Variants in ANKRD44 observed in about 807,000 individuals in gnomAD.
ANKRD44 encodes serine/threonine-protein phosphatase 6 regulatory ankyrin repeat subunit B.
In ANKRD44, 35 loss-of-function variants were observed where a neutral mutation model predicts 116.0. The observed-to-expected ratio is 0.30, with a 90% confidence interval of 0.23 to 0.40. ANKRD44 has a LOEUF of 0.40. ANKRD44 is among the 10% of genes least tolerant of loss of function. The probability of loss-of-function intolerance (pLI) is 1.00; values close to 1 mark genes in which losing one functional copy is unlikely to be tolerated. For synonymous variants in ANKRD44, 435 were observed against 461.8 expected, an observed-to-expected ratio of 0.94 and a Z score of 0.74; for missense variants, 1,014 against 1,242.6, an observed-to-expected ratio of 0.82 and a Z score of 2.77.
intron 16 of ANKRD44, among the ~76,000 whole-genome samples, chr2:197,065,969 T>G (rs1458031806): frequency 1.3e-5 from 2 of 152,162 alleles, no homozygotes; most frequent in Non-Finnish European, 2.9e-5. Flanking sequence ...TACCAAAGCC[T>G]GGCAGAGACA....
At chr2:197,282,688 G>A (rs914710189) in intron 1 of ANKRD44, among the ~76,000 whole-genome samples, 1 of 152,164 alleles carries the variant, frequency 6.6e-6, no homozygotes, top group Non-Finnish European at 1.5e-5. Flanking sequence ...GCCGGGTGTG[G>A]TGGCTCACAC....
chr2:197,145,866 C>G (rs1036147834), intron 3 of ANKRD44, among the ~76,000 whole-genome samples: 1 of 152,144 alleles, frequency 6.6e-6, no homozygotes, highest in Non-Finnish European at 1.5e-5. Context: ...TACTATAGGC[C>G]TTTTGACTAG....
At chr2:197,298,793 T>C (rs1434246412) in intron 1 of ANKRD44, among the ~76,000 whole-genome samples, 1 of 152,058 alleles carries the variant, frequency 6.6e-6, no homozygotes. Context: ...GGCACGCACC[T>C]GTAGTCCCAG....
At chr2:197,036,207 A>G in intron 16 of ANKRD44, among the ~76,000 whole-genome samples, 1 of 152,170 alleles carries the variant, frequency 6.6e-6, no homozygotes. Flanking sequence ...CTCCAATTCC[A>G]TAAGCAAGGA....
chr2:197,062,625 C>G (rs1320020064), intron 16 of ANKRD44, among the ~76,000 whole-genome samples: 1 of 152,174 alleles, frequency 6.6e-6, no homozygotes, highest in Non-Finnish European at 1.5e-5. Flanking sequence ...CACCCTAATA[C>G]TGCACTTTTC....
chr2:197,211,931 C>T (rs532105417), intron 1 of ANKRD44, among the ~76,000 whole-genome samples: 2 of 152,058 alleles, frequency 1.3e-5, no homozygotes, highest in Non-Finnish European at 2.9e-5. Context: ...ACTCCAATCA[C>T]TTTGCCCTCC....
chr2:197,295,465 A>T (rs1157916702), intron 1 of ANKRD44, among the ~76,000 whole-genome samples: 13 of 152,230 alleles, frequency 8.5e-5, no homozygotes, highest in Non-Finnish European at 2.9e-5. Context: ...TGTGTTGCAA[A>T]GTATTATCCT....
At chr2:197,257,451 G>C (rs16863694) in intron 1 of ANKRD44, among the ~76,000 whole-genome samples, 15,511 of 150,880 alleles carry the variant, frequency 0.1, 859 homozygotes, top group Middle Eastern at 0.13. Flanking sequence ...AAAACTTCGG[G>C]GAAAAAAACA....
At chr2:197,268,469 A>G (rs1006228474) in intron 1 of ANKRD44, among the ~76,000 whole-genome samples, 1 of 152,214 alleles carries the variant, frequency 6.6e-6, no homozygotes, top group African/African-American at 2.4e-5. Flanking sequence ...CATTCTTCAC[A>G]TTCGTTATCT....
At chr2:197,181,228 A>T (rs6736733) in intron 2 of ANKRD44, among the ~76,000 whole-genome samples, 84,467 of 152,074 alleles carry the variant, frequency 0.56, 27,897 homozygotes, top group East Asian at 0.88. Flanking sequence ...TACAAAAAAA[A>T]TTTTTTATAA....
exon 22 of ANKRD44, chr2:196,967,317 C>T (rs538324318): frequency 1.3e-4 from 49 of 381,164 alleles, no homozygotes; most frequent in Admixed American, 9.8e-4. Flanking sequence ...CTTCCCCAAC[C>T]GCAGCTCCTG....
intron 1 of ANKRD44, among the ~76,000 whole-genome samples, chr2:197,206,335 G>A (rs2081204816): frequency 6.6e-6 from 1 of 152,220 alleles, no homozygotes. Context: ...CTGCCGTGAA[G>A]TTCACACTGT....
Position 197,303,354 on chromosome 2 carries a change from G to A in ANKRD44, c.27+7224C>T, listed in dbSNP as rs116867539. ...CCATTTTGACAGACAAAGAAACGAAGGCCAGGACTTACCCCAAACCATACA... is the reference window on the plus strand; with the variant it reads ...CCATTTTGACAGACAAAGAAACGAAAGCCAGGACTTACCCCAAACCATACA... On this transcript the variant is annotated intron_variant, in intron 1 of 27. Transcript: ENST00000282272. Among the ~76,000 whole-genome samples the A allele has an allele frequency of 5.8e-4, 89 of 152,292 alleles. 1 individual carries two copies. The East Asian group carries it at 0.017, about 29-fold the overall frequency.
At chr2:197,238,742 T>C (rs2082027356) in intron 1 of ANKRD44, among the ~76,000 whole-genome samples, 1 of 151,968 alleles carries the variant, frequency 6.6e-6, no homozygotes, top group South Asian at 2.1e-4. Flanking sequence ...TCTCACTCTG[T>C]CACCCAGGCT....
intron 6 of ANKRD44, 31 bp downstream of exon 6, chr2:197,125,350 G>A: frequency 6.3e-7 from 1 of 1,588,796 alleles, no homozygotes; most frequent in Non-Finnish European, 8.6e-7. Flanking sequence ...AAGGTTATCT[G>A]TACTTTGCTT....
Position 197,063,030 on chromosome 2 carries a change from TCCCTGAC to T in ANKRD44, c.1650+15666_1650+15672del, listed in dbSNP as rs1044960957. ...TGGACAGACTGCCTCCTCAAGTGGG[TCCCTGAC>T]CCCCGAGTAGCCTAACTGGGAGGCA... On this transcript the variant is annotated intron_variant, in intron 16 of 27. Coordinates refer to ENST00000282272, the MANE Select transcript of ANKRD44 (RefSeq NM_001195144.2). Among the ~76,000 whole-genome samples the T allele has an allele frequency of 3.5e-3, 537 of 152,292 alleles. 1 individual carries two copies. The highest frequency in any genetic ancestry group is 0.012 in the African/African-American group (490 of 41,562).
intron 23 of ANKRD44, among the ~76,000 whole-genome samples, chr2:196,999,563 CTTATTTATTTATTTAT>C (rs375324261): frequency 4.6e-4 from 64 of 138,450 alleles, no homozygotes; most frequent in African/African-American, 1.1e-3. Flanking sequence ...TGTACAGACA[CTTATTTATTTATTTAT>C]TTATTTATTT....
chr2:197,070,699 G>T, intron 16 of ANKRD44, among the ~76,000 whole-genome samples: 1 of 148,196 alleles, frequency 6.7e-6, no homozygotes, highest in East Asian at 2.0e-4. Context: ...GCTCGCTCTC[G>T]CTCTCTGTGT....
intron 16 of ANKRD44, among the ~76,000 whole-genome samples, chr2:197,053,635 C>G (rs1442132352): frequency 2.0e-5 from 3 of 152,160 alleles, no homozygotes; most frequent in African/African-American, 7.2e-5. Context: ...AGGTGCCCAC[C>G]ACCATGCCCA....
Sources: allele counts gnomAD v4.1 joint callset (sites outside exome capture counted in the v4.1 genomes callset), GRCh38; gene constraint gnomAD v4.1.1; transcripts MANE v1.5; gene names NCBI Gene and HGNC (gene_info 2026-07-23, HGNC 2026-07-21).